The following CNGB3 variants were observed in gnomAD, a reference collection of about 807,000 sequenced individuals.
CNGB3 encodes cyclic nucleotide-gated channel beta-3.
In CNGB3, 86 loss-of-function variants were observed where a neutral mutation model predicts 92.8. That is an observed-to-expected ratio of 0.93 (90% CI 0.78 to 1.11). The LOEUF (loss-of-function observed/expected upper bound fraction) is 1.11, where lower values mean the gene tolerates loss of function less well. Among genes scored for constraint, CNGB3 ranks in the 50% least tolerant of loss-of-function variants. The pLI, the probability that CNGB3 is intolerant of heterozygous loss-of-function variation, is 0.00. For synonymous variants in CNGB3, 333 were observed against 332.7 expected (o/e 1.00, Z -0.01); for missense variants, 1,026 against 956.8 (o/e 1.07, Z -0.95).
chr8:86,575,290 A>G lies in CNGB3; in HGVS notation c.*514T>C, dbSNP rs1585940506. The stretch of plus-strand genomic sequence containing the variant: ...TCCCAGCTGCTGGGGATTTTTTGAT[A>G]TTACAGTGACTCATCATCCTCATTT... On this transcript the variant is annotated 3_prime_UTR_variant, in exon 18 of 18. Coordinates refer to ENST00000320005, the MANE Select transcript of CNGB3 (RefSeq NM_019098.5). 6.6e-6 allele frequency: 1 copy of G among 152,242 alleles called. No individual in the cohort carries two copies. The allele number at this position is 152,242 out of a possible 1,614,324, so 9.4% of individuals were successfully genotyped here.
At chr8:86,740,233 C>A (rs1042232668) in intron 1 of CNGB3, among the ~76,000 whole-genome samples, 4 of 152,078 alleles carry the variant, frequency 2.6e-5, no homozygotes, top group African/African-American at 9.7e-5. Context: ...CAGAGTGAAA[C>A]AAGATATGAG....
chr8:86,610,642 G>A (rs996890694), intron 14 of CNGB3, among the ~76,000 whole-genome samples: 6 of 152,078 alleles, frequency 3.9e-5, no homozygotes, highest in South Asian at 2.1e-4. Context: ...ATCTTTGTTC[G>A]CTTGTGAACT....
chr8:86,635,622 C>A lies in CNGB3; in HGVS notation c.1179-2729G>T, dbSNP rs111270966. Among the ~76,000 whole-genome samples, 116 of 151,512 alleles carry A rather than the reference C, an allele frequency of 7.7e-4. 1 individual carries two copies. In the South Asian group the frequency reaches 0.012, roughly 16 times the overall value. ...CAGTCACATCTTACACCTAGACATG[C>A]ATAACCAAAGGTAAGATTTGTAATT... On this transcript the variant is annotated intron_variant, in intron 10 of 17. Transcript: ENST00000320005.
At chr8:86,610,069 G>T (rs1265800233) in intron 14 of CNGB3, among the ~76,000 whole-genome samples, 1 of 152,090 alleles carries the variant, frequency 6.6e-6, no homozygotes, top group Non-Finnish European at 1.5e-5. Flanking sequence ...GAAGCCAGTG[G>T]TTCTCAGTTT....
rs60107723 is a variant in CNGB3, at chr8:86,735,042, GTTTTTTTTTTTTTT to G, written c.211+4599_211+4612del. On this transcript the variant is annotated intron_variant, in intron 2 of 17. Coordinates refer to ENST00000320005, the MANE Select transcript of CNGB3 (RefSeq NM_019098.5). The stretch of plus-strand genomic sequence containing the variant: ...CATGTCAAATTCTCAAATGCCGGTG[GTTTTTTTTTTTTTT>G]TTTTTTTTTTTTTTGTATGGTATAC... Among the ~76,000 whole-genome samples the G allele has an allele frequency of 5.8e-3, 502 of 85,890 alleles. 5 individuals carry two copies. The highest frequency in any genetic ancestry group is 0.022 in the African/African-American group (460 of 20,560). The allele number at this position is 85,890 out of a possible 152,430, so 56.3% of individuals were successfully genotyped here. A position where few individuals can be genotyped will look rare whatever the true frequency, so the allele number is the denominator to read the frequency against.
intron 3 of CNGB3, among the ~76,000 whole-genome samples, chr8:86,676,557 G>C (rs959635255): frequency 1.3e-5 from 2 of 152,104 alleles, no homozygotes; most frequent in African/African-American, 4.8e-5. Flanking sequence ...AAAAAAGAAA[G>C]AAGATAATTA....
At chr8:86,670,020 T>C (rs952637298) in intron 4 of CNGB3, among the ~76,000 whole-genome samples, 1 of 152,104 alleles carries the variant, frequency 6.6e-6, no homozygotes, top group Non-Finnish European at 1.5e-5. Context: ...TTTCTGATTT[T>C]TTGTATTTTA....
intron 7 of CNGB3, among the ~76,000 whole-genome samples, chr8:86,652,934 T>G (rs1484572540): frequency 6.6e-6 from 1 of 152,150 alleles, no homozygotes; most frequent in Non-Finnish European, 1.5e-5. Flanking sequence ...GTACCATACA[T>G]ATTAGTATGT....
At chr8:86,687,306 C>G (rs1368618599) in intron 3 of CNGB3, among the ~76,000 whole-genome samples, 1 of 151,990 alleles carries the variant, frequency 6.6e-6, no homozygotes. Context: ...AAGTGTCCAT[C>G]ATTAGATAAA....
rs535344006 is a variant in CNGB3, at chr8:86,597,181, T to G, written c.1781+6912A>C. Among the ~76,000 whole-genome samples the G allele has an allele frequency of 6.6e-5, 10 of 152,210 alleles. 1 individual carries two copies. The South Asian group carries it at 1.9e-3, about 28-fold the overall frequency. On this transcript the variant is annotated intron_variant, in intron 15 of 17. Transcript: ENST00000320005. ...GAACGTAAAGTATAATAAAAAACAA[T>G]GTGGCTTTTCTAAGCATGTGCAGTC... is the stretch of plus-strand genomic sequence containing the variant.
At position 86,622,685 on chromosome 8, in the gene CNGB3, G is replaced by A. The variant is rs116544749; in HGVS notation, c.1578+3298C>T. On this transcript the variant is annotated intron_variant, in intron 13 of 17. Transcript: ENST00000320005. ...CTGCCTCCACCTCCCAAAGTCCTGG[G>A]ATTACTGGCATAAGCCATGGAACCT... Among the ~76,000 whole-genome samples, 1,052 of 152,258 alleles carry A rather than the reference G, an allele frequency of 6.9e-3. 7 individuals are homozygous for A. Among genetic ancestry groups the A allele is most frequent in the African/African-American group, 0.024 (998 of 41,554 alleles).
intron 15 of CNGB3, among the ~76,000 whole-genome samples, chr8:86,586,641 C>T (rs1406441376): frequency 6.6e-6 from 1 of 151,532 alleles, no homozygotes; most frequent in Non-Finnish European, 1.5e-5. Flanking sequence ...CCAATTTCAT[C>T]CATGTCCCTA....
intron 11 of CNGB3, among the ~76,000 whole-genome samples, chr8:86,629,462 A>T (rs1015607922): frequency 3.3e-5 from 5 of 152,204 alleles, no homozygotes; most frequent in Admixed American, 2.0e-4. Flanking sequence ...ACATTGAAAA[A>T]ATTATACAGC....
intron 3 of CNGB3, among the ~76,000 whole-genome samples, chr8:86,705,119 A>C (rs2131651137): frequency 6.6e-6 from 1 of 152,284 alleles, no homozygotes. Context: ...TGGGAGAAGC[A>C]AATTGCCTAG....
Position 86,579,174 on chromosome 8 carries a change from G to A in CNGB3, c.1860C>T (p.Asp620=). ...AHGFANLLTL[D]KKTLQEILVH... ...CTAGAATTTCTTGGAGGGTCTTTTT[G>A]TCTAGAGTTAAAAGATTGGCAAACC... Residue 620 remains aspartate (D), a synonymous_variant, in exon 16 of 18, where the codon GAC becomes GAT. Transcript: ENST00000320005. 1 of 1,614,096 alleles carries A rather than the reference G, an allele frequency of 6.2e-7. No homozygotes were observed. Among genetic ancestry groups the A allele is most frequent in the Admixed American group, 1.7e-5 (1 of 60,010 alleles).
intron 3 of CNGB3, among the ~76,000 whole-genome samples, chr8:86,717,801 T>C (rs1006767305): frequency 4.6e-5 from 7 of 152,064 alleles, no homozygotes; most frequent in Admixed American, 4.6e-4. Context: ...AAATCGAAAT[T>C]ATATTAAGTA....
chr8:86,582,175 A>G (rs1419941823), intron 15 of CNGB3, among the ~76,000 whole-genome samples: 10 of 152,128 alleles, frequency 6.6e-5, no homozygotes, highest in African/African-American at 2.4e-4. Flanking sequence ...TGGGTGGATC[A>G]CTTGAGCTCA....
At chr8:86,665,760 G>A (rs1425230546) in intron 6 of CNGB3, among the ~76,000 whole-genome samples, 1 of 152,166 alleles carries the variant, frequency 6.6e-6, no homozygotes, top group East Asian at 1.9e-4. Flanking sequence ...AATGCAGGGA[G>A]GAAGTGGGGG....
intron 3 of CNGB3, among the ~76,000 whole-genome samples, chr8:86,713,452 AC>A (rs1371946215): frequency 6.6e-6 from 1 of 152,300 alleles, no homozygotes; most frequent in East Asian, 1.9e-4. Context: ...TATATAGTCA[AC>A]TTTTATATAT....
Sources: allele counts gnomAD v4.1 joint callset (sites outside exome capture counted in the v4.1 genomes callset), GRCh38; gene constraint gnomAD v4.1.1; transcripts MANE v1.5; gene names NCBI Gene and HGNC (gene_info 2026-07-23, HGNC 2026-07-21).